MOXD1: variants seen among roughly 807,000 people sequenced by gnomAD.
MOXD1 encodes the protein DBH-like monooxygenase protein 1.
A neutral mutation model predicts 66.6 loss-of-function variants in MOXD1; 62 were observed. The ratio of observed to expected loss-of-function variants is 0.93; its 90% confidence interval spans 0.76 to 1.15. The LOEUF is 1.15. MOXD1 is among the 50% of genes most tolerant of loss of function. MOXD1 has a pLI of 0.00. For synonymous variants in MOXD1, 303 were observed against 281.9 expected (o/e 1.07, Z -0.75); for missense variants, 847 against 754.6 (o/e 1.12, Z -1.44).
In MOXD1 at chr6:132,380,101, C is replaced by A. The variant is rs147201535; in HGVS notation, c.265-5324G>T. 2.3e-3 allele frequency among the ~76,000 whole-genome samples: 350 copies of A among 152,228 alleles called. 1 individual carries two copies. The highest frequency in any genetic ancestry group is 8.0e-3 in the African/African-American group (332 of 41,534). On this transcript the variant is annotated intron_variant, in intron 1 of 11. Coordinates refer to ENST00000367963, the MANE Select transcript of MOXD1 (RefSeq NM_015529.4). ...TGTGACTCACATCTCCACACATAGC[C>A]CCTGCTTCTATCAAGTCTTCCTTTG...
In MOXD1 at chr6:132,303,925, C is replaced by A. The variant is rs1208726981; in HGVS notation, c.1509-5970G>T. Among the ~76,000 whole-genome samples, 62 of 135,674 alleles carry A rather than the reference C, an allele frequency of 4.6e-4. 1 individual carries two copies. The highest frequency in any genetic ancestry group is 1.6e-3 in the African/African-American group (58 of 36,044). 89.0% of individuals were successfully genotyped at this position (135,674 alleles called of 152,430 possible). A position where few individuals can be genotyped will look rare whatever the true frequency, so the allele number is the denominator to read the frequency against. ...GGACAATTCTCTGGGTGGCCCTGGA[C>A]CAATCCAATCCATTCTCATTTTTGC... On this transcript the variant is annotated intron_variant, in intron 10 of 11. Coordinates refer to ENST00000367963, the MANE Select transcript of MOXD1 (RefSeq NM_015529.4).
intron 4 of MOXD1, among the ~76,000 whole-genome samples, chr6:132,371,191 T>A (rs1193797445): frequency 6.6e-6 from 1 of 152,146 alleles, no homozygotes; most frequent in East Asian, 1.9e-4. Flanking sequence ...ACAGTACATA[T>A]AAATGAAACA....
chr6:132,315,122 T>G (rs142631515), intron 10 of MOXD1, among the ~76,000 whole-genome samples: 66 of 152,300 alleles, frequency 4.3e-4, no homozygotes, highest in African/African-American at 1.5e-3. Context: ...TCTGGAAGTA[T>G]GGAATTTTAG....
chr6:132,369,610 G>T (rs1267328935), intron 4 of MOXD1, among the ~76,000 whole-genome samples: 1 of 151,860 alleles, frequency 6.6e-6, no homozygotes, highest in Non-Finnish European at 1.5e-5. Context: ...AGAAAATAAG[G>T]GTGACTTCAA....
In MOXD1 at chr6:132,349,440, T is replaced by TATATATATAC. The variant is rs1562290021; in HGVS notation, c.664-20847_664-20846insGTATATATAT. ...ATATATACATATATATATATACATA[T>TATATATATAC]ATATATATATACATATATATATATA... is the stretch of plus-strand genomic sequence containing the variant. On this transcript the variant is annotated intron_variant, in intron 4 of 11. Coordinates refer to ENST00000367963, the MANE Select transcript of MOXD1 (RefSeq NM_015529.4). 1.4e-4 allele frequency among the ~76,000 whole-genome samples: 9 copies of TATATATATAC among 66,096 alleles called. 1 individual carries two copies. The highest frequency in any genetic ancestry group is 9.3e-4 in the African/African-American group (8 of 8,602). 43.4% of individuals were successfully genotyped at this position (66,096 alleles called of 152,430 possible).
chr6:132,351,710 A>T (rs951223223), intron 4 of MOXD1, among the ~76,000 whole-genome samples: 1 of 152,108 alleles, frequency 6.6e-6, no homozygotes, highest in African/African-American at 2.4e-5. Context: ...AATGTCAAAA[A>T]GATTGGTACC....
intron 10 of MOXD1, among the ~76,000 whole-genome samples, chr6:132,309,796 C>A (rs1449853610): frequency 1.3e-5 from 2 of 152,158 alleles, no homozygotes; most frequent in Non-Finnish European, 2.9e-5. Flanking sequence ...AACTGCTTAG[C>A]CATAGGCTGA....
chr6:132,313,185 T>A (rs890034873), intron 10 of MOXD1, among the ~76,000 whole-genome samples: 7 of 152,154 alleles, frequency 4.6e-5, no homozygotes, highest in Non-Finnish European at 8.8e-5. Context: ...AAACCCCAAC[T>A]CTCCCTTTTA....
intron 10 of MOXD1, among the ~76,000 whole-genome samples, chr6:132,311,100 T>C (rs1774820350): frequency 6.6e-6 from 1 of 152,114 alleles, no homozygotes; most frequent in Admixed American, 6.6e-5. Flanking sequence ...ATTCCTCCAT[T>C]CGTCCAGAGA....
intron 1 of MOXD1, among the ~76,000 whole-genome samples, chr6:132,383,098 A>G (rs1169721169): frequency 6.6e-6 from 1 of 152,218 alleles, no homozygotes; most frequent in Non-Finnish European, 1.5e-5. Flanking sequence ...TTTCTTCAAC[A>G]GGTGCTTGTA....
intron 7 of MOXD1, 77 bp from the exon 8 acceptor site, chr6:132,322,947 G>T: frequency 8.0e-7 from 1 of 1,254,630 alleles, no homozygotes; most frequent in South Asian, 1.6e-5. Context: ...AACACACTTG[G>T]AGGGACAACT....
intron 1 of MOXD1, among the ~76,000 whole-genome samples, chr6:132,382,074 CGTT>C (rs1410184954): frequency 7.2e-5 from 11 of 152,024 alleles, no homozygotes; most frequent in Admixed American, 7.2e-4. Flanking sequence ...TGTGCACTCT[CGTT>C]GTCATGGCCT....
At chr6:132,307,068 A>G (rs1164578935) in intron 10 of MOXD1, among the ~76,000 whole-genome samples, 1 of 152,238 alleles carries the variant, frequency 6.6e-6, no homozygotes, top group Admixed American at 6.5e-5. Flanking sequence ...TAAAAGACAC[A>G]GATTGGCAAG....
intron 10 of MOXD1, among the ~76,000 whole-genome samples, chr6:132,299,914 T>C (rs1286424196): frequency 6.7e-6 from 1 of 150,234 alleles, no homozygotes; most frequent in African/African-American, 2.4e-5. Flanking sequence ...CTCTCTCTCT[T>C]AACATACATA....
intron 10 of MOXD1, among the ~76,000 whole-genome samples, chr6:132,308,098 A>G (rs1774738374): frequency 1.3e-5 from 2 of 151,894 alleles, no homozygotes; most frequent in Admixed American, 1.3e-4. Flanking sequence ...TTGAAAAAAA[A>G]AAAATAACAA....
chr6:132,319,376 T>C (rs956168182), intron 9 of MOXD1, among the ~76,000 whole-genome samples: 1 of 152,002 alleles, frequency 6.6e-6, no homozygotes, highest in African/African-American at 2.4e-5. Flanking sequence ...TGAGCCTTTC[T>C]ATCCATGAAC....
rs576544117 is a variant in MOXD1 at position 132,304,902 on chromosome 6, A to C, written c.1509-6947T>G. Reference sequence around the variant, plus strand: ...GAGTTCTTACACATCACTGGTAAGAATGAAAAATATATTATTTTAAGAACA... The same window carrying C: ...GAGTTCTTACACATCACTGGTAAGACTGAAAAATATATTATTTTAAGAACA... On this transcript the variant is annotated intron_variant, in intron 10 of 11. Coordinates refer to ENST00000367963, the MANE Select transcript of MOXD1 (RefSeq NM_015529.4). 2.4e-4 allele frequency among the ~76,000 whole-genome samples: 37 copies of C among 152,364 alleles called. No individual in the cohort carries two copies. In the South Asian group the frequency reaches 7.7e-3, roughly 32 times the overall value.
At chr6:132,390,188 A>C (rs1582611537) in intron 1 of MOXD1, among the ~76,000 whole-genome samples, 1 of 151,600 alleles carries the variant, frequency 6.6e-6, no homozygotes, top group East Asian at 1.9e-4. Flanking sequence ...CGGTTCAGAC[A>C]CATTTGAAAA....
In MOXD1 at chr6:132,297,091, C is replaced by T; in HGVS notation, c.*62G>A. On this transcript the variant is annotated 3_prime_UTR_variant, in exon 12 of 12. Transcript: ENST00000367963. ...TGCCCAAAGTGGACACAGTCTTTAA[C>T]CTGTACTTCAAATGACAGGTTCAGA... 6.4e-7 allele frequency: 1 copy of T among 1,553,760 alleles called. No homozygotes were observed. The highest frequency in any genetic ancestry group is 1.2e-5 in the South Asian group (1 of 85,554).
Sources: gnomAD v4.1 joint callset for allele counts (sites outside exome capture counted in the v4.1 genomes callset) on GRCh38, gnomAD v4.1.1 for gene constraint, MANE v1.5 for transcripts, NCBI Gene and HGNC (gene_info 2026-07-23, HGNC 2026-07-21) for gene names.